The following XPO5 variants were observed in gnomAD, a reference collection of about 807,000 sequenced individuals.
XPO5 encodes exportin 5.
A neutral mutation model predicts 160.6 loss-of-function variants in XPO5; 46 were observed. That is an observed-to-expected ratio of 0.29 (90% CI 0.23 to 0.37). The LOEUF is 0.37. Among genes scored for constraint, XPO5 ranks in the 10% least tolerant of loss-of-function variants. XPO5 has a pLI of 1.00. For synonymous variants in XPO5, 537 were observed against 519.3 expected (o/e 1.03, Z -0.46); for missense variants, 1,090 against 1,463.9 (o/e 0.74, Z 4.17).
intron 8 of XPO5, 119 bp downstream of exon 8, chr6:43,565,541 G>A: frequency 1.1e-6 from 1 of 894,542 alleles, no homozygotes; most frequent in Non-Finnish European, 1.6e-6. Context: ...CTCCAGCCTG[G>A]GTGACAGAGC....
At position 43,548,248 on chromosome 6, in the gene XPO5, G is replaced by T; in HGVS notation, c.2060+13C>A. ...TGAGTATAGTAAGAGTCAGGGCAAG[G>T]GATCTCCTTTACCTGTGCATGTCTT... On this transcript the variant is annotated intron_variant, in intron 18 of 31. Coordinates refer to ENST00000265351, the MANE Select transcript of XPO5 (RefSeq NM_020750.3). 2 of 1,582,636 alleles carry T rather than the reference G, an allele frequency of 1.3e-6. No homozygotes were observed. The highest frequency in any genetic ancestry group is 1.7e-6 in the Non-Finnish European group (2 of 1,161,364).
At chr6:43,541,537 G>T (rs76103083) in intron 20 of XPO5, among the ~76,000 whole-genome samples, 4,975 of 152,208 alleles carry the variant, frequency 0.033, 262 homozygotes, top group African/African-American at 0.11. Context: ...ACGTTTCCAT[G>T]GCCCCCAAAA....
Position 43,528,890 on chromosome 6 carries a change from G to A in XPO5, c.2713C>T (p.Pro905Ser), listed in dbSNP as rs1488842194. The change falls in exon 24 of 32, where the codon CCA (proline) becomes TCA (serine). Residue 905 changes from proline to serine, a missense_variant. By Grantham distance (74) the Pro-to-Ser change is moderately conservative (BLOSUM62 -1). Around this residue, in one of 3 missense-constraint regions of XPO5, gnomAD observed 810 missense variants for 1,139.0 expected, o/e 0.71. Coordinates refer to ENST00000265351, the MANE Select transcript of XPO5 (RefSeq NM_020750.3). Reference sequence around the variant, plus strand: ...GATACCAGGGCTTCATAGTGCTCTGGGGGACAGAAGAGCACCAGAGGCTTT... The same window carrying A: ...GATACCAGGGCTTCATAGTGCTCTGAGGGACAGAAGAGCACCAGAGGCTTT... ...FVKPLVLFCPPEHYEALVSPI... is the reference protein window; with the variant it reads ...FVKPLVLFCPSEHYEALVSPI... 6.2e-7 allele frequency: 1 copy of A among 1,613,754 alleles called. No individual in the cohort carries two copies. Among genetic ancestry groups the A allele is most frequent in the East Asian group, 2.2e-5 (1 of 44,872 alleles).
chr6:43,539,148 C>T, intron 20 of XPO5: 1 of 1,140,552 alleles, frequency 8.8e-7, no homozygotes, highest in Non-Finnish European at 1.3e-6. Context: ...CCACGGCGGC[C>T]TGTCACCTTG....
intron 11 of XPO5, chr6:43,559,162 T>C (rs1056548966): frequency 1.3e-5 from 2 of 152,432 alleles, no homozygotes; most frequent in Non-Finnish European, 2.9e-5. Flanking sequence ...CCAAGTGTGG[T>C]GGTGGGCACC....
At chr6:43,564,680 A>G (rs59931540) in intron 8 of XPO5, among the ~76,000 whole-genome samples, 28,629 of 151,978 alleles carry the variant, frequency 0.19, 5,755 homozygotes, top group African/African-American at 0.51. Flanking sequence ...ATGGTTCACG[A>G]TTGCCTGGAC....
chr6:43,549,214 A>C (rs928772591), intron 17 of XPO5, among the ~76,000 whole-genome samples: 1 of 152,088 alleles, frequency 6.6e-6, no homozygotes, highest in African/African-American at 2.4e-5. Context: ...GGCATGCACC[A>C]CCATGCCCAG....
intron 11 of XPO5, among the ~76,000 whole-genome samples, chr6:43,559,304 AAC>A (rs1762279712): frequency 1.3e-5 from 2 of 152,224 alleles, no homozygotes; most frequent in South Asian, 2.1e-4. Context: ...CTCAAAAAAA[AAC>A]ACAGAACACC....
Position 43,553,367 on chromosome 6 carries a change from A to T in XPO5, c.1572+6T>A. 1 of 1,605,602 alleles carries T rather than the reference A, an allele frequency of 6.2e-7. No individual in the cohort carries two copies. The highest frequency in any genetic ancestry group is 8.5e-7 in the Non-Finnish European group (1 of 1,176,162). ...CATGCAGTCAGCATGGGAAATAATT[A>T]CTTACTTCTCTATTTAGTGTTCGAA... On this transcript the variant is annotated splice_donor_region_variant and intron_variant, in intron 14 of 31. Coordinates refer to ENST00000265351, the MANE Select transcript of XPO5 (RefSeq NM_020750.3).
At chr6:43,529,865 T>C (rs1793849736) in intron 23 of XPO5, among the ~76,000 whole-genome samples, 1 of 144,458 alleles carries the variant, frequency 6.9e-6, no homozygotes, top group South Asian at 2.1e-4. Flanking sequence ...TGAGCTTTGA[T>C]GGCACCACTG....
chr6:43,530,264 A>G (rs1283745982), intron 23 of XPO5, among the ~76,000 whole-genome samples: 1 of 152,034 alleles, frequency 6.6e-6, no homozygotes, highest in African/African-American at 2.4e-5. Context: ...CTCAAAAAAT[A>G]GGAATAAAAA....
chr6:43,525,678 G>A (rs1793539708), intron 28 of XPO5, 161 bp downstream of exon 28: 5 of 701,280 alleles, frequency 7.1e-6, no homozygotes, highest in Non-Finnish European at 9.3e-6. Context: ...CCATGGCATT[G>A]CACCTTTTCC....
intron 6 of XPO5, 60 bp from the exon 7 acceptor site, chr6:43,567,414 G>A (rs1274837797): frequency 9.1e-6 from 13 of 1,433,332 alleles, no homozygotes; most frequent in African/African-American, 4.3e-5. Context: ...AGGAATCAGT[G>A]GTTATAACTG....
intron 21 of XPO5, among the ~76,000 whole-genome samples, chr6:43,532,537 C>T (rs1794049157): frequency 6.6e-6 from 1 of 152,238 alleles, no homozygotes; most frequent in Admixed American, 6.5e-5. Context: ...GCTCCAGCCA[C>T]ATGATTCAAC....
Position 43,523,806 on chromosome 6 carries a change from C to G in XPO5, c.*62G>C, listed in dbSNP as rs752163480. ...GGCAGTGCAAGAAGGGCCTAGAGAT[C>G]GGCTACAAAGGGAAAGAAGAGATGA... On this transcript the variant is annotated 3_prime_UTR_variant, in exon 32 of 32. Transcript: ENST00000265351. The G allele has an allele frequency of 1.2e-6, 2 of 1,612,910 alleles. No homozygotes were observed. Among genetic ancestry groups the G allele is most frequent in the African/African-American group, 2.7e-5 (2 of 74,850 alleles).
intron 27 of XPO5, 105 bp from the exon 28 acceptor site, chr6:43,526,026 C>T: frequency 7.6e-7 from 1 of 1,322,628 alleles, no homozygotes; most frequent in Non-Finnish European, 1.1e-6. Flanking sequence ...GTGTTCTAGG[C>T]TAAGTGGTGG....
chr6:43,556,666 G>A (rs898645816), intron 12 of XPO5, among the ~76,000 whole-genome samples: 3 of 151,994 alleles, frequency 2.0e-5, no homozygotes, highest in Admixed American at 2.0e-4. Flanking sequence ...TCTACTCCTA[G>A]TTATATATCT....
chr6:43,530,528 C>G (rs994253410), intron 23 of XPO5, 160 bp downstream of exon 23: 1 of 867,258 alleles, frequency 1.2e-6, no homozygotes, highest in Admixed American at 3.4e-5. Flanking sequence ...CATGTTTTCC[C>G]TGCAATCTGC....
At position 43,565,886 on chromosome 6, in the gene XPO5, A is replaced by C. The variant is rs767468478; in HGVS notation, c.835-150T>G. 171 of 581,926 alleles carry C rather than the reference A, an allele frequency of 2.9e-4. 1 individual carries two copies. The highest frequency in any genetic ancestry group is 4.7e-4 in the Non-Finnish European group (161 of 341,402). The allele number at this position is 581,926 out of a possible 1,614,324, so 36.0% of individuals were successfully genotyped here. A position where few individuals can be genotyped will look rare whatever the true frequency, so the allele number is the denominator to read the frequency against. ...CACTAGAAAGAAGCCCAACTCTTTAAAACCAAATCTGGATAAACTACATAT... is the reference window on the plus strand; with the variant it reads ...CACTAGAAAGAAGCCCAACTCTTTACAACCAAATCTGGATAAACTACATAT... On this transcript the variant is annotated intron_variant, in intron 7 of 31. Coordinates refer to ENST00000265351, the MANE Select transcript of XPO5 (RefSeq NM_020750.3).
Sources: allele counts gnomAD v4.1 joint callset (sites outside exome capture counted in the v4.1 genomes callset), GRCh38; gene constraint gnomAD v4.1.1; regional missense constraint gnomAD v4.1.1; transcripts MANE v1.5; gene names NCBI Gene and HGNC (gene_info 2026-07-23, HGNC 2026-07-21).